Variants in GLIS1 observed in about 807,000 individuals in gnomAD.
GLIS1 encodes GLIS family zinc finger 1.
GLIS1 carries 24 observed loss-of-function variants against 63.8 expected under a neutral mutation model. The observed-to-expected ratio is 0.38, with a 90% CI of 0.27 to 0.53. GLIS1 has a LOEUF of 0.53. Among genes scored for constraint, GLIS1 ranks in the 20% least tolerant of loss-of-function variants. GLIS1 has a pLI of 0.85. For synonymous variants in GLIS1, 450 were observed against 482.5 expected (o/e 0.93, Z 0.88); for missense variants, 1,036 against 1,074.1 (o/e 0.96, Z 0.50).
In GLIS1 at chr1:53,566,158, G is replaced by T. The variant is rs141625955; in HGVS notation, c.1320+27950C>A. 2.9e-3 allele frequency among the ~76,000 whole-genome samples: 446 copies of T among 152,196 alleles called. 8 individuals are homozygous for T. The East Asian group carries it at 0.06, about 21-fold the overall frequency. ...ATATTCTAAAATTATTAGCAAGTTA[G>T]GAATAAAAAGGAATGTCTTGAACAA... On this transcript the variant is annotated intron_variant, in intron 4 of 10. Transcript: ENST00000628545.
Position 53,516,251 on chromosome 1 carries a change from A to G in GLIS1, c.1727-1470T>C, listed in dbSNP as rs893340953. 4.2e-4 allele frequency among the ~76,000 whole-genome samples: 64 copies of G among 152,156 alleles called. 1 individual carries two copies. The highest frequency in any genetic ancestry group is 4.2e-3 in the Admixed American group (64 of 15,280). ...ACCAGAAGGACCAATCTGAGAACAC[A>G]CCAGTCTCCTTTCATGGATGGGGTA... On this transcript the variant is annotated intron_variant, in intron 7 of 10. Transcript: ENST00000628545.
At chr1:53,567,531 T>A (rs1225576428) in intron 4 of GLIS1, among the ~76,000 whole-genome samples, 3 of 152,182 alleles carry the variant, frequency 2.0e-5, no homozygotes, top group Non-Finnish European at 4.4e-5. Flanking sequence ...AGGAGCCGAA[T>A]GTTAATAGCC....
intron 4 of GLIS1, among the ~76,000 whole-genome samples, chr1:53,582,967 CAG>C (rs1645100662): frequency 6.6e-6 from 1 of 152,182 alleles, no homozygotes. Flanking sequence ...TGCCTGTGGC[CAG>C]ACTCTCTTAA....
intron 2 of GLIS1, among the ~76,000 whole-genome samples, chr1:53,653,314 C>T (rs1029566218): frequency 5.3e-5 from 8 of 152,168 alleles, no homozygotes; most frequent in African/African-American, 1.9e-4. Flanking sequence ...TTTGGTTCCT[C>T]CTCTTCCCAT....
rs192797058 is a variant in GLIS1 at position 53,708,670 on chromosome 1, C to T, written c.259+29136G>A. 8.5e-5 allele frequency among the ~76,000 whole-genome samples: 13 copies of T among 152,230 alleles called. No individual in the cohort carries two copies. In the East Asian group the frequency reaches 2.5e-3, roughly 29 times the overall value. On this transcript the variant is annotated intron_variant, in intron 2 of 10. Coordinates refer to ENST00000628545, the MANE Select transcript of GLIS1 (RefSeq NM_001367484.1). The stretch of plus-strand genomic sequence containing the variant: ...ACAAAAGGCACGCTGGCACAGGTTT[C>T]AGCAGGTCCCCCAGCTTACTTCCAG...
rs372329639 is a variant in GLIS1, at chr1:53,594,429, C to T, written c.999G>A (p.Gly333=). The change falls in exon 4 of 11, where the codon GGG becomes GGA. Residue 333 remains glycine (G), a synonymous_variant. Coordinates refer to ENST00000628545, the MANE Select transcript of GLIS1 (RefSeq NM_001367484.1). Reference sequence around the variant, plus strand: ...GGGGCGGCAGGCCCTGCTGGTGAGGCCCAAAGAGCTCTGAAAACTCATCCG... The same window carrying T: ...GGGGCGGCAGGCCCTGCTGGTGAGGTCCAAAGAGCTCTGAAAACTCATCCG... ...EPADEFSELF[G]PHQQGLPPPY... is the part of the protein sequence containing the mutation. 5 of 1,612,764 alleles carry T rather than the reference C, an allele frequency of 3.1e-6. No homozygotes were observed. In the African/African-American group the frequency reaches 5.3e-5, roughly 17 times the overall value.
chr1:53,644,270 G>A lies in GLIS1; in HGVS notation c.260-43992C>T, dbSNP rs1466713755. Among the ~76,000 whole-genome samples the A allele has an allele frequency of 2.0e-5, 3 of 152,212 alleles. No homozygotes were observed. The East Asian group carries it at 5.8e-4, about 29-fold the overall frequency. ...CCCAGCTAAAACTGTACCCCATCCTGTCCACCTCCAGCCTCTCACTCTGCC... is the reference window on the plus strand; with the variant it reads ...CCCAGCTAAAACTGTACCCCATCCTATCCACCTCCAGCCTCTCACTCTGCC... On this transcript the variant is annotated intron_variant, in intron 2 of 10. Coordinates refer to ENST00000628545, the MANE Select transcript of GLIS1 (RefSeq NM_001367484.1).
At chr1:53,568,338 C>T (rs1041013451) in intron 4 of GLIS1, among the ~76,000 whole-genome samples, 1 of 152,140 alleles carries the variant, frequency 6.6e-6, no homozygotes, top group Non-Finnish European at 1.5e-5. Context: ...ATGCCTGTAG[C>T]CCCTATTGTA....
chr1:53,569,223 T>C (rs1266900610), intron 4 of GLIS1, among the ~76,000 whole-genome samples: 1 of 152,222 alleles, frequency 6.6e-6, no homozygotes. Context: ...TAATGGTAGA[T>C]ACATGTCATT....
At chr1:53,702,494 G>T (rs1254337267) in intron 2 of GLIS1, among the ~76,000 whole-genome samples, 1 of 152,226 alleles carries the variant, frequency 6.6e-6, no homozygotes, top group Non-Finnish European at 1.5e-5. Flanking sequence ...GGTGGCAGGG[G>T]TTTCCAGATA....
chr1:53,631,451 T>C (rs951645263), intron 2 of GLIS1, among the ~76,000 whole-genome samples: 6 of 152,218 alleles, frequency 3.9e-5, no homozygotes, highest in African/African-American at 9.6e-5. Flanking sequence ...AAATATCACA[T>C]GTATGTACTT....
chr1:53,568,045 C>G (rs1358885115), intron 4 of GLIS1, among the ~76,000 whole-genome samples: 1 of 152,252 alleles, frequency 6.6e-6, no homozygotes, highest in Non-Finnish European at 1.5e-5. Context: ...GATCCACTGA[C>G]AGCTTGCACC....
intron 10 of GLIS1, among the ~76,000 whole-genome samples, chr1:53,507,753 G>A (rs1379079765): frequency 2.0e-5 from 3 of 152,214 alleles, no homozygotes; most frequent in Admixed American, 6.5e-5. Context: ...AACCTCCCCT[G>A]GCCGGTGTAG....
At chr1:53,664,152 A>G (rs1432903310) in intron 2 of GLIS1, among the ~76,000 whole-genome samples, 3 of 152,200 alleles carry the variant, frequency 2.0e-5, no homozygotes, top group Admixed American at 2.0e-4. Flanking sequence ...AAAGCCTGGC[A>G]CATCAGAGAT....
chr1:53,631,728 CCTCA>C (rs1025216943), intron 2 of GLIS1, among the ~76,000 whole-genome samples: 1 of 151,778 alleles, frequency 6.6e-6, no homozygotes, highest in Non-Finnish European at 1.5e-5. Flanking sequence ...TCAGGGAAGG[CCTCA>C]CTGAGAAGTG....
intron 2 of GLIS1, among the ~76,000 whole-genome samples, chr1:53,663,559 G>A (rs968833704): frequency 1.3e-5 from 2 of 152,220 alleles, no homozygotes; most frequent in Admixed American, 6.5e-5. Flanking sequence ...AGAACCCCAA[G>A]CTGGGCTCCG....
intron 2 of GLIS1, among the ~76,000 whole-genome samples, chr1:53,614,291 G>A (rs11801290): frequency 0.57 from 86,084 of 152,108 alleles, 25,868 homozygotes; most frequent in Middle Eastern, 0.67. Context: ...AAGTTAGAAA[G>A]TAAAGAGAGA....
chr1:53,554,561 C>G (rs977114027), intron 4 of GLIS1, among the ~76,000 whole-genome samples: 8 of 152,192 alleles, frequency 5.3e-5, no homozygotes, highest in African/African-American at 1.9e-4. Flanking sequence ...AAGTAGGGCA[C>G]TACAGGACTA....
intron 2 of GLIS1, among the ~76,000 whole-genome samples, chr1:53,656,129 A>G (rs996214047): frequency 6.6e-6 from 1 of 152,178 alleles, no homozygotes; most frequent in Non-Finnish European, 1.5e-5. Flanking sequence ...CCAGTGGAAG[A>G]GGAAAAGAGG....
Sources: allele counts gnomAD v4.1 joint callset (sites outside exome capture counted in the v4.1 genomes callset), GRCh38; gene constraint gnomAD v4.1.1; transcripts MANE v1.5; gene names NCBI Gene and HGNC (gene_info 2026-07-23, HGNC 2026-07-21).